HDAC4: variants seen among roughly 807,000 people sequenced by gnomAD.
The protein encoded by HDAC4 is histone deacetylase A.
HDAC4 carries 16 observed loss-of-function variants against 135.1 expected under a neutral mutation model. That is an observed-to-expected ratio of 0.12 (90% confidence interval 0.08 to 0.18). The LOEUF is 0.18. Ranked by LOEUF, HDAC4 falls within the 10% of genes least tolerant of loss-of-function variation. The pLI is 1.00. For missense variants in HDAC4, 1,143 were observed against 1,511.8 expected (o/e 0.76, Z 4.05); for synonymous variants, 685 against 653.4 (o/e 1.05, Z -0.74).
intron 2 of HDAC4, among the ~76,000 whole-genome samples, chr2:239,334,678 C>T (rs553498239): frequency 1.4e-4 from 21 of 152,000 alleles, no homozygotes; most frequent in African/African-American, 3.9e-4. Flanking sequence ...TCAGTGGATC[C>T]CAATTGAGAC....
At chr2:239,210,550 C>A (rs1317167373) in intron 3 of HDAC4, among the ~76,000 whole-genome samples, 2 of 152,202 alleles carry the variant, frequency 1.3e-5, no homozygotes, top group African/African-American at 4.8e-5. Flanking sequence ...ATTACCCGGC[C>A]TGTGAGCACA....
At chr2:239,347,539 A>G (rs1382926431) in intron 2 of HDAC4, among the ~76,000 whole-genome samples, 3 of 152,178 alleles carry the variant, frequency 2.0e-5, no homozygotes, top group Non-Finnish European at 2.9e-5. Context: ...TTTTGAGACA[A>G]CAGTCTTGCT....
chr2:239,240,041 T>C lies in HDAC4; in HGVS notation c.23-3377A>G, dbSNP rs1341679183. Among the ~76,000 whole-genome samples, 1 of 152,234 alleles carries C rather than the reference T, an allele frequency of 6.6e-6. No individual in the cohort carries two copies. The highest frequency in any genetic ancestry group is 1.5e-5 in the Non-Finnish European group (1 of 68,044). ...TCCTTGGTCGTCCACCTGGACAGCA[T>C]GACAGATGCCGCATCCCTCATTATG... On this transcript the variant is annotated intron_variant, in intron 2 of 26. Transcript: ENST00000543185. This position sits in a 1 kb window ranked among gnomAD's most constrained non-coding sequence, Gnocchi z 4.5.
intron 19 of HDAC4, among the ~76,000 whole-genome samples, chr2:239,085,072 A>ACACACACACACT (rs745393565): frequency 2.1e-5 from 3 of 142,218 alleles, no homozygotes; most frequent in Non-Finnish European, 4.6e-5. Context: ...ACACACACAC[A>ACACACACACACT]CTCTCCTGCT....
intron 5 of HDAC4, among the ~76,000 whole-genome samples, chr2:239,164,293 A>G (rs2042996293): frequency 6.6e-6 from 1 of 152,262 alleles, no homozygotes; most frequent in Non-Finnish European, 1.5e-5. Flanking sequence ...AGCAGAATCT[A>G]AGAGAGAAGG....
intron 18 of HDAC4, among the ~76,000 whole-genome samples, chr2:239,088,802 T>C (rs538188899): frequency 6.6e-6 from 1 of 152,352 alleles, no homozygotes; most frequent in African/African-American, 2.4e-5. Flanking sequence ...AACACACGGC[T>C]CTGCCCCTGT....
intron 4 of HDAC4, among the ~76,000 whole-genome samples, chr2:239,185,216 C>A (rs534621784): frequency 7.2e-4 from 109 of 151,642 alleles, no homozygotes; most frequent in African/African-American, 2.6e-3. Flanking sequence ...CCTGTATCCC[C>A]CATGGGGGTT....
At chr2:239,134,046 T>C (rs1055620507) in intron 11 of HDAC4, among the ~76,000 whole-genome samples, 199 bp downstream of exon 11, 3 of 152,150 alleles carry the variant, frequency 2.0e-5, no homozygotes, top group Non-Finnish European at 4.4e-5. Context: ...CCACTCCATC[T>C]ACCTGACTCT....
At position 239,299,666 on chromosome 2, in the gene HDAC4, C is replaced by T. The variant is rs1260802878; in HGVS notation, c.22+53012G>A. Among the ~76,000 whole-genome samples, 1 of 152,196 alleles carries T rather than the reference C, an allele frequency of 6.6e-6. No individual in the cohort carries two copies. The highest frequency in any genetic ancestry group is 1.5e-5 in the Non-Finnish European group (1 of 68,036). On this transcript the variant is annotated intron_variant, in intron 2 of 26. Transcript: ENST00000543185. This position sits in a 1 kb window ranked among gnomAD's most constrained non-coding sequence, Gnocchi z 4.0. ...AAAAGCCAATTCCTTGAGTGAGAAG[C>T]GTCATGGGTAGAATCACGGAGCAAG...
intron 1 of HDAC4, among the ~76,000 whole-genome samples, chr2:239,356,337 A>AC (rs1247299078): frequency 6.6e-6 from 1 of 152,152 alleles, no homozygotes; most frequent in Non-Finnish European, 1.5e-5. Context: ...CTGTCTCAAC[A>AC]CCCCATTTAA....
At chr2:239,078,005 A>T (rs577140623) in intron 22 of HDAC4, among the ~76,000 whole-genome samples, 1 of 152,316 alleles carries the variant, frequency 6.6e-6, no homozygotes, top group Non-Finnish European at 1.5e-5. Flanking sequence ...TAAACTTCGT[A>T]ATATCACAGT....
intron 4 of HDAC4, among the ~76,000 whole-genome samples, chr2:239,182,544 G>C (rs971954325): frequency 6.6e-6 from 1 of 152,200 alleles, no homozygotes; most frequent in Non-Finnish European, 1.5e-5. Context: ...GAAACCAGCA[G>C]TCACAAACAG....
chr2:239,197,195 G>A (rs2045448991), intron 3 of HDAC4, among the ~76,000 whole-genome samples: 3 of 152,260 alleles, frequency 2.0e-5, no homozygotes, highest in South Asian at 4.2e-4. Flanking sequence ...CCCTTCACGC[G>A]TCCTGACTTT....
At chr2:239,293,110 C>T (rs1047102220) in intron 2 of HDAC4, among the ~76,000 whole-genome samples, 2 of 152,336 alleles carry the variant, frequency 1.3e-5, no homozygotes, top group African/African-American at 4.8e-5. Context: ...AATGACTTTC[C>T]TTCCCAGGTA....
rs890832530 is a variant in HDAC4, at chr2:239,120,997, TTTC to T, written c.1533+5456_1533+5458del. Among the ~76,000 whole-genome samples, 21 of 73,766 alleles carry T rather than the reference TTTC, an allele frequency of 2.8e-4. No individual in the cohort carries two copies. The East Asian group carries it at 8.4e-3, about 30-fold the overall frequency. 48.4% of individuals were successfully genotyped at this position (73,766 alleles called of 152,430 possible). A position where few individuals can be genotyped will look rare whatever the true frequency, so the allele number is the denominator to read the frequency against. On this transcript the variant is annotated intron_variant, in intron 12 of 26. Coordinates refer to ENST00000543185, the MANE Select transcript of HDAC4 (RefSeq NM_001378414.1). ...TTTTCTTCTGATGCTTTCCTTTAAA[TTTC>T]TTTTTTTTTTTTTTTGAGACAGGGT... is the stretch of plus-strand genomic sequence containing the variant.
chr2:239,208,720 C>A (rs543747747), intron 3 of HDAC4, among the ~76,000 whole-genome samples: 5 of 149,804 alleles, frequency 3.3e-5, no homozygotes, highest in South Asian at 4.2e-4. Context: ...AAATGTAATA[C>A]GGTGTTAGAT....
intron 15 of HDAC4, among the ~76,000 whole-genome samples, chr2:239,106,507 C>T (rs1432649873): frequency 3.3e-5 from 5 of 152,108 alleles, no homozygotes; most frequent in African/African-American, 1.2e-4. Flanking sequence ...TGCTGCCCTC[C>T]AGTGGCACAG....
chr2:239,168,812 G>A (rs1341340268), intron 5 of HDAC4, among the ~76,000 whole-genome samples: 1 of 152,162 alleles, frequency 6.6e-6, no homozygotes, highest in Non-Finnish European at 1.5e-5. Context: ...CTGCAGAGCC[G>A]ACACAAGCTT....
At chr2:239,189,409 T>C (rs1343126364) in intron 4 of HDAC4, among the ~76,000 whole-genome samples, 1 of 152,208 alleles carries the variant, frequency 6.6e-6, no homozygotes, top group East Asian at 1.9e-4. Flanking sequence ...TTTTTCTAAT[T>C]ATAAAAGGTT....
Sources: allele counts gnomAD v4.1 joint callset (sites outside exome capture counted in the v4.1 genomes callset), GRCh38; gene constraint gnomAD v4.1.1; non-coding constraint Gnocchi (gnomAD v3.1); transcripts MANE v1.5; gene names NCBI Gene and HGNC (gene_info 2026-07-23, HGNC 2026-07-21).